Variants in CACNA1F observed in about 807,000 individuals in gnomAD.
CACNA1F encodes calcium voltage-gated channel subunit alpha1 F.
Under a neutral mutation model 143.8 loss-of-function variants are expected in CACNA1F, and 59 were observed. That is an observed-to-expected ratio of 0.41 (90% CI 0.33 to 0.51). The LOEUF (loss-of-function observed/expected upper bound fraction) is 0.51. Among genes scored for constraint, CACNA1F ranks in the 20% least tolerant of loss-of-function variants. The probability of loss-of-function intolerance (pLI) is 0.22; values close to 1 mark genes in which losing one functional copy is unlikely to be tolerated. For missense variants in CACNA1F, 1,411 were observed against 1,647.5 expected, an observed-to-expected ratio of 0.86 and a Z score of 2.48; for synonymous variants, 643 against 649.1, an observed-to-expected ratio of 0.99 and a Z score of 0.14.
In CACNA1F at chrX:49,214,281, A is replaced by G; in HGVS notation, c.3598-12T>C. ...GTCTGCTCATAGTGCTGCAGGAGAAAATCAGGTTGAGATGGAGCCTGAGGC... is the reference window on the plus strand; with the variant it reads ...GTCTGCTCATAGTGCTGCAGGAGAAGATCAGGTTGAGATGGAGCCTGAGGC... On this transcript the variant is annotated splice_polypyrimidine_tract_variant and intron_variant, in intron 29 of 47. Transcript: ENST00000323022. 9.5e-7 allele frequency: 1 copy of G among 1,050,145 alleles called. No homozygotes were observed. The highest frequency in any genetic ancestry group is 1.3e-6 in the Non-Finnish European group (1 of 747,921). The allele number at this position is 1,050,145 out of a possible 1,213,427, so 86.5% of individuals were successfully genotyped here.
At chrX:49,209,820 C>T in intron 40 of CACNA1F, 61 bp from the exon 41 acceptor site, 1 of 1,180,789 alleles carries the variant, frequency 8.5e-7, no homozygotes, top group Non-Finnish European at 1.2e-6. Context: ...CCCACCTCGC[C>T]GCCTCTCTAC....
At chrX:49,229,799 C>T (rs1210145689) in intron 6 of CACNA1F, among the ~76,000 whole-genome samples, 1 of 109,467 alleles carries the variant, frequency 9.1e-6, no homozygotes, top group Non-Finnish European at 1.9e-5. Context: ...CAGGCGCCCG[C>T]CACCATGCCC....
intron 31 of CACNA1F, 21 bp from the exon 32 acceptor site, chrX:49,213,015 G>A (rs1376500969): frequency 8.7e-5 from 103 of 1,186,781 alleles, no homozygotes; most frequent in Non-Finnish European, 1.2e-4. Context: ...ATATGGCCAA[G>A]AAAAAGGTGA....
Position 49,206,872 on chromosome X carries a change from G to T in CACNA1F, c.5232-17C>A. ...TAGGAAAGCCTGTGTGGGTGGGAGG[G>T]CCAGGGGTGAACTTGGGTCTGGGCC... On this transcript the variant is annotated splice_polypyrimidine_tract_variant and intron_variant, in intron 44 of 47. Transcript: ENST00000323022. The T allele has an allele frequency of 8.4e-7, 1 of 1,188,391 alleles. No individual in the cohort carries two copies. Among genetic ancestry groups the T allele is most frequent in the Non-Finnish European group, 1.1e-6 (1 of 877,078 alleles).
rs782698402 is a variant in CACNA1F, at chrX:49,231,921, G to A, written c.32C>T (p.Thr11Ile). MSESEGGKDTTPEPSPANGAG... is the reference protein window; with the variant it reads MSESEGGKDTIPEPSPANGAG... ...CCCATTGGCTGGACTGGGCTCTGGG[G>A]TGGTGTCTATATGGAGAAACTGTGT... The change falls in exon 2 of 48, where the codon ACC becomes ATC. Residue 11 changes from threonine to isoleucine, a missense_variant. Thr to Ile is a moderately conservative substitution (Grantham distance 89). Coordinates refer to ENST00000323022, the MANE Select transcript of CACNA1F (RefSeq NM_001256789.3). 7.7e-6 allele frequency: 9 copies of A among 1,176,363 alleles called. No homozygotes were observed. In the South Asian group the frequency reaches 1.7e-4, roughly 22 times the overall value.
chrX:49,221,087 G>A lies in CACNA1F; in HGVS notation c.2289-7C>T, dbSNP rs782420417. The A allele has an allele frequency of 3.3e-5, 39 of 1,199,907 alleles. No individual in the cohort carries two copies. The highest frequency in any genetic ancestry group is 7.1e-5 in the South Asian group (4 of 56,354). On this transcript the variant is annotated splice_polypyrimidine_tract_variant and splice_region_variant and intron_variant, in intron 17 of 47. Coordinates refer to ENST00000323022, the MANE Select transcript of CACNA1F (RefSeq NM_001256789.3). ...CTTCTCATTGCTCTTCTCCCTGTGC[G>A]AGGAAATAGGGGTGATTGCTGCAGA...
At chrX:49,209,429 A>G in intron 41 of CACNA1F, 36 bp from the exon 42 acceptor site, 2 of 1,198,972 alleles carry the variant, frequency 1.7e-6, no homozygotes, top group Non-Finnish European at 2.3e-6. Context: ...CAGGCAGCTC[A>G]GGGTCTGAAC....
intron 6 of CACNA1F, among the ~76,000 whole-genome samples, chrX:49,229,138 T>TTTTTTGGTTTG (rs2065853042): frequency 1.8e-5 from 2 of 111,491 alleles, no homozygotes; most frequent in Admixed American, 1.9e-4. Flanking sequence ...AATAAAGCTT[T>TTTTTTGGTTTG]TTTTTGGTTT....
chrX:49,209,703 G>A lies in CACNA1F; in HGVS notation c.4747C>T (p.Arg1583Cys). ...TTTTCTTTCCTCCGCCGGAATTTGC[G>A]GAAATAGTCCTGGATCAGAAATGTG... ...YATFLIQDYF[R>C]KFRRRKEKGL... Residue 1583 changes from arginine to cysteine, a missense_variant, in exon 41 of 48, where the codon CGC becomes TGC. Physicochemically the swap from Arg to Cys is radical, Grantham distance 180 (BLOSUM62 -3). Coordinates refer to ENST00000323022, the MANE Select transcript of CACNA1F (RefSeq NM_001256789.3). The A allele has an allele frequency of 1.7e-6, 2 of 1,211,151 alleles. No homozygotes were observed.
At position 49,209,373 on chromosome X, in the gene CACNA1F, C is replaced by T; in HGVS notation, c.4842G>A (p.Gln1614=). The T allele has an allele frequency of 8.3e-7, 1 of 1,210,826 alleles. No homozygotes were observed. Among genetic ancestry groups the T allele is most frequent in the Non-Finnish European group, 1.1e-6 (1 of 894,925 alleles). ...CCTGCCGCATCTCAGGACCCAAGTC[C>T]TGCAGGCTCCGCAGACCAGCCTGTG... is the stretch of plus-strand genomic sequence containing the variant. ...SALQAGLRSL[Q]DLGPEMRQAL... The change falls in exon 42 of 48, where the codon CAG becomes CAA. Residue 1614 remains glutamine (Q), a synonymous_variant. Transcript: ENST00000323022.
At chrX:49,217,522 G>A (rs1472860157) in intron 26 of CACNA1F, among the ~76,000 whole-genome samples, 1 of 110,978 alleles carries the variant, frequency 9.0e-6, no homozygotes, top group Non-Finnish European at 1.9e-5. Context: ...GGCTCAGGGT[G>A]GGAATGGTGA....
chrX:49,221,487 C>G (rs782341952), intron 17 of CACNA1F, among the ~76,000 whole-genome samples: 6 of 110,640 alleles, frequency 5.4e-5, no homozygotes, highest in African/African-American at 2.0e-4. Context: ...TGGCTCACTG[C>G]AACCTCCGCC....
intron 2 of CACNA1F, 87 bp from the exon 3 acceptor site, chrX:49,231,394 T>G: frequency 1.4e-6 from 1 of 725,270 alleles, no homozygotes; most frequent in Non-Finnish European, 2.1e-6. Context: ...TGCTGACCCT[T>G]GACGCCCAAG....
chrX:49,226,240 G>A lies in CACNA1F; in HGVS notation c.1467C>T (p.Asn489=), dbSNP rs782262005. ...ACCAGACTCTGGTTTTCATGATCTT[G>A]TTTCTGAAAAAGAAGGGGGATGGGA... The part of the protein sequence containing the change: ...GALASCTRCL[N]KIMKTRVCRR... The change falls in exon 12 of 48, where the codon AAC becomes AAT. Residue 489 remains asparagine (N), a synonymous_variant. Coordinates refer to ENST00000323022, the MANE Select transcript of CACNA1F (RefSeq NM_001256789.3). 1 of 1,205,463 alleles carries A rather than the reference G, an allele frequency of 8.3e-7. No individual in the cohort carries two copies. The highest frequency in any genetic ancestry group is 3.0e-5 in the East Asian group (1 of 33,758).
chrX:49,229,170 C>T (rs1261598119), intron 6 of CACNA1F, among the ~76,000 whole-genome samples: 1 of 111,616 alleles, frequency 9.0e-6, no homozygotes, highest in African/African-American at 3.3e-5. Context: ...GTTTTTGAGA[C>T]CGAGTCTCAC....
intron 6 of CACNA1F, among the ~76,000 whole-genome samples, chrX:49,229,007 G>A (rs1557110698): frequency 8.9e-6 from 1 of 112,652 alleles, no homozygotes; most frequent in African/African-American, 3.2e-5. Context: ...AAATAACAAT[G>A]AGGCAAGAGC....
At chrX:49,230,027 A>G (rs1428577698) in intron 6 of CACNA1F, among the ~76,000 whole-genome samples, 193 bp downstream of exon 6, 2 of 111,390 alleles carry the variant, frequency 1.8e-5, no homozygotes, top group African/African-American at 6.5e-5. Context: ...GGGCGGAGCT[A>G]TTAGCGAGGT....
intron 1 of CACNA1F, among the ~76,000 whole-genome samples, chrX:49,232,285 AG>A (rs1825550392): frequency 9.0e-6 from 1 of 111,154 alleles, no homozygotes; most frequent in Non-Finnish European, 1.9e-5. Context: ...GTTTTGTCTA[AG>A]GGTTAGGACT....
chrX:49,226,136 G>A lies in CACNA1F; in HGVS notation c.1491-67C>T. The A allele has an allele frequency of 3.6e-6, 4 of 1,119,993 alleles. No homozygotes were observed. The South Asian group carries it at 7.4e-5, about 21-fold the overall frequency. 92.3% of individuals were successfully genotyped at this position (1,119,993 alleles called of 1,213,427 possible). On this transcript the variant is annotated intron_variant, in intron 12 of 47. Coordinates refer to ENST00000323022, the MANE Select transcript of CACNA1F (RefSeq NM_001256789.3). ...GCCTGCCCTGGGGGGCTCAGGTGGG[G>A]GATCCAAAGGTCATGAGGGCTTGGA... is the stretch of plus-strand genomic sequence containing the variant.
Sources: gnomAD v4.1 joint callset for allele counts (sites outside exome capture counted in the v4.1 genomes callset) on GRCh38, gnomAD v4.1.1 for gene constraint, MANE v1.5 for transcripts, NCBI Gene and HGNC (gene_info 2026-07-23, HGNC 2026-07-21) for gene names.